Variants in TDRD10 observed in about 807,000 individuals in gnomAD.
The protein encoded by TDRD10 is tudor domain containing 10, also known as tudor domain-containing protein 10.
TDRD10 carries 40 observed loss-of-function variants against 48.0 expected under a neutral mutation model. The ratio of observed to expected loss-of-function variants is 0.83; its 90% CI spans 0.65 to 1.09. The LOEUF is 1.09. TDRD10 is among the 50% of genes least tolerant of loss of function. TDRD10 has a pLI of 0.00. For missense variants in TDRD10, 378 were observed against 434.7 expected (o/e 0.87, Z 1.16); for synonymous variants, 162 against 170.4 (o/e 0.95, Z 0.38).
At chr1:154,515,012 C>T (rs1021571868) in intron 4 of TDRD10, among the ~76,000 whole-genome samples, 2 of 151,956 alleles carry the variant, frequency 1.3e-5, no homozygotes, top group African/African-American at 2.4e-5. Context: ...AGGTTACAGA[C>T]GTGCACTACC....
chr1:154,543,805 T>G (rs938631957), intron 8 of TDRD10, among the ~76,000 whole-genome samples, 158 bp from the exon 9 acceptor site: 11 of 152,162 alleles, frequency 7.2e-5, no homozygotes, highest in African/African-American at 2.7e-4. Flanking sequence ...GGAACTGGCT[T>G]TAGCTCCCAC....
intron 5 of TDRD10, 142 bp from the exon 6 acceptor site, chr1:154,521,181 T>C: frequency 1.3e-6 from 1 of 796,920 alleles, no homozygotes; most frequent in Non-Finnish European, 2.1e-6. Context: ...GACATACTTG[T>C]AGCTTGCTTG....
In TDRD10 at chr1:154,544,837, G is replaced by A; in HGVS notation, c.840G>A (p.Met280Ile). 3 of 1,614,200 alleles carry A rather than the reference G, an allele frequency of 1.9e-6. No individual in the cohort carries two copies. Among genetic ancestry groups the A allele is most frequent in the Non-Finnish European group, 2.5e-6 (3 of 1,180,036 alleles). The change falls in exon 11 of 13, where the codon ATG (methionine) becomes ATA (isoleucine). Residue 280 changes from methionine to isoleucine, a missense_variant. Physicochemically the swap from Met to Ile is conservative, Grantham distance 10. This residue lies in a region of TDRD10 where 68 missense variants were observed against 111.1 expected (regional missense o/e 0.61). Transcript: ENST00000368482. ...LDRVDTWAVV[M>I]FIDFGQLATI... ...GGGTGGACACCTGGGCTGTGGTCATGTTCATTGATTTTGGACAGTTGGCCA... is the reference window on the plus strand; with the variant it reads ...GGGTGGACACCTGGGCTGTGGTCATATTCATTGATTTTGGACAGTTGGCCA...
intron 1 of TDRD10, among the ~76,000 whole-genome samples, chr1:154,504,948 T>C (rs940328175): frequency 6.6e-6 from 1 of 151,930 alleles, no homozygotes; most frequent in African/African-American, 2.4e-5. Flanking sequence ...GATCGTACCA[T>C]TGCACTCCAG....
At chr1:154,507,453 C>T in intron 3 of TDRD10, 133 bp downstream of exon 3, 2 of 1,053,732 alleles carry the variant, frequency 1.9e-6, no homozygotes, top group South Asian at 1.5e-5. Flanking sequence ...GCTCTTCCTC[C>T]AGTCAGCCAC....
In TDRD10 at chr1:154,542,758, C is replaced by A. The variant is rs1283554943; in HGVS notation, c.440C>A (p.Pro147His). 1 of 1,613,952 alleles carries A rather than the reference C, an allele frequency of 6.2e-7. No individual in the cohort carries two copies. Among genetic ancestry groups the A allele is most frequent in the East Asian group, 2.2e-5 (1 of 44,876 alleles). Residue 147 changes from proline (P) to histidine (H), a missense_variant, in exon 8 of 13, where the codon CCT becomes CAT. Physicochemically the swap from Pro to His is moderately conservative, Grantham distance 77. This residue lies in a region of TDRD10 where 310 missense variants were observed against 323.6 expected (regional missense o/e 0.96). Coordinates refer to ENST00000368482, the MANE Select transcript of TDRD10 (RefSeq NM_182499.4). ...ATTATACAGCTCGCTCCTAAAGCTC[C>A]TGTTGACCTGTGTGAGACAGAGAAA... ...AAIIQLAPKA[P>H]VDLCETEKLR...
Position 154,526,753 on chromosome 1 carries a change from T to C in TDRD10, c.369+5274T>C, listed in dbSNP as rs184211927. 3.2e-3 allele frequency among the ~76,000 whole-genome samples: 477 copies of C among 147,782 alleles called. 2 individuals are homozygous for C. The highest frequency in any genetic ancestry group is 0.011 in the African/African-American group (461 of 40,132). ...CAGGTGTGAGCCACTGCGCCTGGCC[T>C]AATTTTTGTATTTTTTGGTATGGAT... On this transcript the variant is annotated intron_variant, in intron 6 of 12. Coordinates refer to ENST00000368482, the MANE Select transcript of TDRD10 (RefSeq NM_182499.4).
chr1:154,533,003 C>T (rs1396810637), intron 6 of TDRD10, among the ~76,000 whole-genome samples: 1 of 152,204 alleles, frequency 6.6e-6, no homozygotes, highest in Non-Finnish European at 1.5e-5. Flanking sequence ...GGGGGGCTTT[C>T]TCTCTGTGAG....
Position 154,516,518 on chromosome 1 carries a change from G to C in TDRD10, c.142-3786G>C, listed in dbSNP as rs78907197. On this transcript the variant is annotated intron_variant, in intron 4 of 12. Transcript: ENST00000368482. ...CTGCTGAATAGAAAGGATGTGCAAA[G>C]TGTGTGCGGTAGTTTTTTCTGGGAG... Among the ~76,000 whole-genome samples, 1,375 of 152,308 alleles carry C rather than the reference G, an allele frequency of 9.0e-3. 22 individuals are homozygous for C. The highest frequency in any genetic ancestry group is 0.031 in the African/African-American group (1,308 of 41,536).
intron 6 of TDRD10, among the ~76,000 whole-genome samples, chr1:154,534,924 G>A (rs1694840834): frequency 6.6e-6 from 1 of 152,170 alleles, no homozygotes; most frequent in South Asian, 2.1e-4. Context: ...ATACAAAGCA[G>A]CCAATGAGTG....
rs1272421253 is a variant in TDRD10, at chr1:154,542,003, AC to A, written c.370-19del. 1.9e-6 allele frequency: 3 copies of A among 1,613,334 alleles called. No individual in the cohort carries two copies. The Admixed American group carries it at 5.0e-5, about 27-fold the overall frequency. On this transcript the variant is annotated intron_variant, in intron 6 of 12. Coordinates refer to ENST00000368482, the MANE Select transcript of TDRD10 (RefSeq NM_182499.4). ...ACAAATGCCACCATGGCTGAGTGAG[AC>A]CTTTCATTTTTCTTCCCAGGTGTTG...
At chr1:154,511,571 C>T (rs942316189) in intron 4 of TDRD10, among the ~76,000 whole-genome samples, 6 of 151,722 alleles carry the variant, frequency 4.0e-5, no homozygotes, top group African/African-American at 7.3e-5. Flanking sequence ...AAAAATTGGC[C>T]GGGTGCAGTG....
intron 11 of TDRD10, among the ~76,000 whole-genome samples, chr1:154,545,955 A>G (rs1000490518): frequency 9.8e-5 from 6 of 61,486 alleles, no homozygotes; most frequent in Admixed American, 5.5e-4. Flanking sequence ...TTTTTTTTTT[A>G]GTAGAGATGG....
intron 4 of TDRD10, chr1:154,509,814 T>C: frequency 1.0e-6 from 1 of 985,432 alleles, no homozygotes; most frequent in Non-Finnish European, 1.2e-6. Context: ...AACCTGTTAC[T>C]TGACAGTGAA....
intron 1 of TDRD10, 62 bp from the exon 2 acceptor site, chr1:154,506,815 G>C (rs116323271): frequency 2.8e-6 from 4 of 1,423,652 alleles, no homozygotes; most frequent in Admixed American, 3.3e-5. Context: ...GTACCTATTC[G>C]GTGGTTATAT....
intron 4 of TDRD10, among the ~76,000 whole-genome samples, chr1:154,519,302 G>C (rs1423143806): frequency 6.6e-6 from 1 of 152,204 alleles, no homozygotes; most frequent in Non-Finnish European, 1.5e-5. Flanking sequence ...CATGAAGACT[G>C]AGAAAAATGA....
intron 6 of TDRD10, among the ~76,000 whole-genome samples, chr1:154,540,240 C>T (rs1695147231): frequency 6.6e-6 from 1 of 152,082 alleles, no homozygotes; most frequent in African/African-American, 2.4e-5. Context: ...ATGGTGAGTA[C>T]TGGGGTGGTG....
intron 4 of TDRD10, among the ~76,000 whole-genome samples, chr1:154,510,346 A>C (rs915567304): frequency 2.6e-5 from 4 of 152,166 alleles, no homozygotes; most frequent in Non-Finnish European, 5.9e-5. Flanking sequence ...TAATCCCAGC[A>C]CTTTGGGAGG....
At position 154,521,316 on chromosome 1, in the gene TDRD10, T is replaced by G. The variant is rs190088822; in HGVS notation, c.213-7T>G. 3 of 1,613,896 alleles carry G rather than the reference T, an allele frequency of 1.9e-6. No individual in the cohort carries two copies. Among genetic ancestry groups the G allele is most frequent in the East Asian group, 2.2e-5 (1 of 44,884 alleles). ...TCAAAGCCTCCCTCTCTCTCTTCCC[T>G]TTTCAGCTTTGCATTTGTAGATCTG... On this transcript the variant is annotated splice_polypyrimidine_tract_variant and splice_region_variant and intron_variant, in intron 5 of 12. Transcript: ENST00000368482.
Sources: allele counts gnomAD v4.1 joint callset (sites outside exome capture counted in the v4.1 genomes callset), GRCh38; gene constraint gnomAD v4.1.1; regional missense constraint gnomAD v4.1.1; transcripts MANE v1.5; gene names NCBI Gene and HGNC (gene_info 2026-07-23, HGNC 2026-07-21).